Variants in NOTCH3 observed in about 807,000 individuals in gnomAD.
NOTCH3 encodes the protein neurogenic locus notch homolog protein 3.
In NOTCH3, 86 loss-of-function variants were observed where a neutral mutation model predicts 213.3. That is an observed-to-expected ratio of 0.40 (90% CI 0.34 to 0.48). NOTCH3 has a LOEUF of 0.48. Ranked by LOEUF, NOTCH3 falls within the 20% of genes least tolerant of loss-of-function variation. The pLI is 0.57. For missense variants in NOTCH3, 2,783 were observed against 3,272.6 expected, an observed-to-expected ratio of 0.85 and a Z score of 3.65; for synonymous variants, 1,354 against 1,355.9, an observed-to-expected ratio of 1.00 and a Z score of 0.03.
rs928993149 is a variant in NOTCH3, at chr19:15,188,878, G to A, written c.1378+111C>T. On this transcript the variant is annotated intron_variant, in intron 8 of 32. Coordinates refer to ENST00000263388, the MANE Select transcript of NOTCH3 (RefSeq NM_000435.3). ...CCTCCTTCCAGGCTTCAGTCTCTAA[G>A]GGTCCCACTCCAAACCCACTTACAC... 1.6e-5 allele frequency: 17 copies of A among 1,070,216 alleles called. 1 individual carries two copies. Among genetic ancestry groups the A allele is most frequent in the Middle Eastern group, 2.9e-4 (1 of 3,460 alleles). The allele number at this position is 1,070,216 out of a possible 1,614,324, so 66.3% of individuals were successfully genotyped here. A position where few individuals can be genotyped will look rare whatever the true frequency, so the allele number is the denominator to read the frequency against.
chr19:15,161,730 C>A lies in NOTCH3; in HGVS notation c.5914-16G>T. On this transcript the variant is annotated splice_polypyrimidine_tract_variant and intron_variant, in intron 32 of 32. Coordinates refer to ENST00000263388, the MANE Select transcript of NOTCH3 (RefSeq NM_000435.3). ...GGGTCTCCTCCTGGGGGGCCAGAAC[C>A]CACAGAGGTCAGCGAAACCCCAGCT... 5.0e-6 allele frequency: 8 copies of A among 1,610,752 alleles called. No homozygotes were observed. The highest frequency in any genetic ancestry group is 6.8e-6 in the Non-Finnish European group (8 of 1,178,024).
Position 15,179,516 on chromosome 19 carries a change from G to A in NOTCH3, c.3328-20C>T. ...AAGACACTTCAGTGGGGTAAGAGAG[G>A]GACCCACTCAGCTTAGTGGGACACA... On this transcript the variant is annotated intron_variant, in intron 20 of 32. Transcript: ENST00000263388. 1 of 1,613,258 alleles carries A rather than the reference G, an allele frequency of 6.2e-7. No individual in the cohort carries two copies. The highest frequency in any genetic ancestry group is 1.6e-4 in the Middle Eastern group (1 of 6,062).
chr19:15,191,044 TTA>T, intron 6 of NOTCH3, among the ~76,000 whole-genome samples: 1 of 142,762 alleles, frequency 7.0e-6, no homozygotes, highest in Non-Finnish European at 1.5e-5. Flanking sequence ...TTTTTATTTT[TTA>T]AATTTGAGAA....
chr19:15,179,250 C>T lies in NOTCH3; in HGVS notation c.3493G>A (p.Gly1165Ser), dbSNP rs1376652903. The change falls in exon 22 of 33, where the codon GGC (glycine) becomes AGC (serine). Residue 1165 changes from glycine (G) to serine (S), a missense_variant. Transcript: ENST00000263388. Reference sequence around the variant, plus strand: ...CCTGAGTCCAGCGGTGGGCCTGGGCCGCAGTCATCCTCATTAATCTCGCAG... The same window carrying T: ...CCTGAGTCCAGCGGTGGGCCTGGGCTGCAGTCATCCTCATTAATCTCGCAG... ...VLCEINEDDC[G>S]PGPPLDSGPR... 1.8e-5 allele frequency: 29 copies of T among 1,613,798 alleles called. No individual in the cohort carries two copies. The highest frequency in any genetic ancestry group is 2.5e-5 in the Non-Finnish European group (29 of 1,180,020).
intron 24 of NOTCH3, 144 bp downstream of exon 24, chr19:15,177,381 T>C: frequency 1.3e-6 from 1 of 755,364 alleles, no homozygotes; most frequent in Non-Finnish European, 2.3e-6. Flanking sequence ...GACAGACACG[T>C]GGGACACACC....
Position 15,170,146 on chromosome 19 carries a change from C to T in NOTCH3, c.5139G>A (p.Leu1713=), listed in dbSNP as rs1299362489. ...GMKNMAKGES[L]MGEVATDWMD... ...TCCAGTCTGTGGCCACCTCCCCCAT[C>T]AGGCTCTCACCCTTGGCCATGTTCC... Residue 1713 remains leucine, a synonymous_variant, in exon 28 of 33, where the codon CTG becomes CTA. Transcript: ENST00000263388. The T allele has an allele frequency of 1.9e-6, 3 of 1,605,444 alleles. No homozygotes were observed. The highest frequency in any genetic ancestry group is 3.4e-5 in the Admixed American group (2 of 58,440).
chr19:15,173,421 C>CAAAAAAAA (rs71168587), intron 25 of NOTCH3, among the ~76,000 whole-genome samples: 1 of 68,792 alleles, frequency 1.5e-5, no homozygotes, highest in Admixed American at 2.3e-4. Context: ...GACTCCGTCT[C>CAAAAAAAA]AAAAAAAAAA....
intron 19 of NOTCH3, 138 bp from the exon 20 acceptor site, chr19:15,180,394 C>G (rs2046829479): frequency 1.0e-6 from 1 of 1,004,136 alleles, no homozygotes; most frequent in Non-Finnish European, 1.5e-6. Context: ...TGTCACACAT[C>G]CCCCCAGCAG....
intron 25 of NOTCH3, among the ~76,000 whole-genome samples, chr19:15,172,193 G>C (rs554393780): frequency 3.4e-4 from 52 of 152,238 alleles, no homozygotes; most frequent in African/African-American, 1.3e-3. Context: ...ATCACACCTG[G>C]CCTCTTCCTC....
At chr19:15,184,273 C>T (rs752770805) in intron 16 of NOTCH3, 22 bp downstream of exon 16, 2 of 1,612,762 alleles carry the variant, frequency 1.2e-6, no homozygotes, top group Non-Finnish European at 8.5e-7. Context: ...AGCAGCACCC[C>T]CAAGAGCTCC....
intron 2 of NOTCH3, 59 bp downstream of exon 2, chr19:15,197,441 G>GGGGCCCCCCCC: frequency 7.8e-6 from 6 of 768,362 alleles, no homozygotes; most frequent in East Asian, 2.7e-5. Flanking sequence ...AAGACAAATC[G>GGGGCCCCCCCC]CCCCTCCCCC....
At chr19:15,166,448 T>G (rs2046686645) in intron 29 of NOTCH3, among the ~76,000 whole-genome samples, 1 of 152,016 alleles carries the variant, frequency 6.6e-6, no homozygotes, top group Admixed American at 6.6e-5. Context: ...CCCTTCATAC[T>G]CCTGCACCCA....
Position 15,174,153 on chromosome 19 carries a change from CGT to C in NOTCH3, c.4649_4650del (p.His1550ArgfsTer12), listed in dbSNP as rs2046766696. ...TGGTAAGGGAAGACCATGGCCTGGC[CGT>C]GCGCGTCCAGGCGGAAGCGCAGCGA... ...RTSLRFRLDA[H>X]GQAMVFPYHR... On this transcript the variant is annotated frameshift_variant, in exon 25 of 33. Coordinates refer to ENST00000263388, the MANE Select transcript of NOTCH3 (RefSeq NM_000435.3). LOFTEE classifies it high-confidence loss of function. 1 of 1,609,400 alleles carries C rather than the reference CGT, an allele frequency of 6.2e-7. No individual in the cohort carries two copies. The highest frequency in any genetic ancestry group is 8.5e-7 in the Non-Finnish European group (1 of 1,179,004).
chr19:15,163,560 G>A (rs1370205560), intron 31 of NOTCH3, among the ~76,000 whole-genome samples: 4 of 152,232 alleles, frequency 2.6e-5, no homozygotes, highest in African/African-American at 9.6e-5. Context: ...GCCAGGCACA[G>A]TGGCTCACGC....
rs1392271547 is a variant in NOTCH3 at position 15,189,495 on chromosome 19, G to C, written c.1037-67C>G. ...TCTGCCCAAAAGGCCCACACCCCTT[G>C]AGTATTGTTTTGTCGTTGTTGTTGT... On this transcript the variant is annotated intron_variant, in intron 6 of 32. Coordinates refer to ENST00000263388, the MANE Select transcript of NOTCH3 (RefSeq NM_000435.3). 5.8e-6 allele frequency: 9 copies of C among 1,564,528 alleles called. No individual in the cohort carries two copies. In the Admixed American group the frequency reaches 6.7e-5, roughly 12 times the overall value.
At chr19:15,200,741 TC>T in intron 1 of NOTCH3, 46 bp downstream of exon 1, 1 of 1,216,652 alleles carries the variant, frequency 8.2e-7, no homozygotes, top group Non-Finnish European at 1.0e-6. Context: ...GTTCTTGCAC[TC>T]CCCCTCTGCC....
chr19:15,169,186 GTCTCTCTCTCTCTCTCTCTCTC>G (rs56916343), intron 28 of NOTCH3, among the ~76,000 whole-genome samples: 66 of 146,210 alleles, frequency 4.5e-4, no homozygotes, highest in South Asian at 8.7e-4. Flanking sequence ...TGTCAAATCT[GTCTCTCTCTCTCTCTCTCTCTC>G]TCTCTCTCTC....
At chr19:15,200,029 G>T (rs578241845) in intron 1 of NOTCH3, among the ~76,000 whole-genome samples, 1 of 135,708 alleles carries the variant, frequency 7.4e-6, no homozygotes, top group Admixed American at 7.5e-5. Context: ...CCGAGCGGGG[G>T]AGGGGAGGGA....
rs2046805801 is a variant in NOTCH3 at position 15,177,928 on chromosome 19, C to T, written c.4000G>A (p.Ala1334Thr). 2 of 1,288,234 alleles carry T rather than the reference C, an allele frequency of 1.6e-6. No individual in the cohort carries two copies. Among genetic ancestry groups the T allele is most frequent in the African/African-American group, 1.6e-5 (1 of 64,322 alleles). The allele number at this position is 1,288,234 out of a possible 1,614,324, so 79.8% of individuals were successfully genotyped here. ...GCGGCCGCGCAGCTGGCGTTGCTGG[C>T]CCCCGGCGGCGACCCCGGGAAGCTG... ...CRSFPGSPPG[A>T]SNASCAAAPC... Residue 1334 changes from alanine (A) to threonine (T), a missense_variant, in exon 24 of 33, where the codon GCC (alanine) becomes ACC (threonine). Physicochemically the swap from Ala to Thr is moderately conservative, Grantham distance 58 (BLOSUM62 0). This residue lies in a region of NOTCH3 where 133 missense variants were observed against 201.9 expected (regional missense o/e 0.66). Transcript: ENST00000263388.
Sources: allele counts gnomAD v4.1 joint callset (sites outside exome capture counted in the v4.1 genomes callset), GRCh38; gene constraint gnomAD v4.1.1; regional missense constraint gnomAD v4.1.1; transcripts MANE v1.5; gene names NCBI Gene and HGNC (gene_info 2026-07-23, HGNC 2026-07-21).